Variants in MPP7 observed in about 807,000 individuals in gnomAD.
MPP7 encodes MAGUK p55 subfamily member 7.
MPP7 carries 60 observed loss-of-function variants against 76.5 expected under a neutral mutation model. That is an observed-to-expected ratio of 0.78 (90% CI 0.64 to 0.97). The LOEUF (loss-of-function observed/expected upper bound fraction) is 0.97, where lower values mean the gene tolerates loss of function less well. Among genes scored for constraint, MPP7 ranks in the 50% least tolerant of loss-of-function variants. MPP7 has a pLI of 0.00. For synonymous variants in MPP7, 237 were observed against 244.5 expected (o/e 0.97, Z 0.29); for missense variants, 641 against 694.0 (o/e 0.92, Z 0.86).
At chr10:28,302,434 T>C (rs1157141112) in intron 1 of MPP7, among the ~76,000 whole-genome samples, 1 of 152,252 alleles carries the variant, frequency 6.6e-6, no homozygotes, top group Admixed American at 6.5e-5. Context: ...AAGACGCCTT[T>C]CTGGCTTAGG....
chr10:28,187,666 A>C lies in MPP7; in HGVS notation c.156+14487T>G, dbSNP rs905072703. The stretch of plus-strand genomic sequence containing the variant: ...TTCTAAAAGGGCCTATTCCATGAGT[A>C]TCTTATAAAATATTAATAGTTCTTC... On this transcript the variant is annotated intron_variant, in intron 3 of 16. Coordinates refer to ENST00000683449, the MANE Select transcript of MPP7 (RefSeq NM_001318170.2). Among the ~76,000 whole-genome samples, 14 of 152,342 alleles carry C rather than the reference A, an allele frequency of 9.2e-5. 1 individual carries two copies. Among genetic ancestry groups the C allele is most frequent in the Middle Eastern group, 3.4e-3 (1 of 294 alleles).
chr10:28,225,322 A>C (rs916920359), intron 2 of MPP7, among the ~76,000 whole-genome samples: 1 of 152,192 alleles, frequency 6.6e-6, no homozygotes, highest in African/African-American at 2.4e-5. Context: ...AAATTGATAA[A>C]CTGAACATCA....
chr10:28,125,672 A>G (rs904473263), intron 6 of MPP7, among the ~76,000 whole-genome samples: 1 of 152,192 alleles, frequency 6.6e-6, no homozygotes, highest in Non-Finnish European at 1.5e-5. Context: ...AAACCCAGAA[A>G]TTAGTTATAT....
chr10:28,124,635 T>C (rs1034618315), intron 7 of MPP7, among the ~76,000 whole-genome samples: 3 of 143,072 alleles, frequency 2.1e-5, no homozygotes, highest in Non-Finnish European at 3.0e-5. Context: ...GCCACCACAC[T>C]TGACTAATTT....
In MPP7 at chr10:28,207,790, C is replaced by A. The variant is rs1240450860; in HGVS notation, c.38-5519G>T. On this transcript the variant is annotated intron_variant, in intron 2 of 16. Transcript: ENST00000683449. ...ATCTGAAAAAGGAAAACAGAACCTGCAAGGGTACATTCTAGGTTGGAGAAC... is the reference window on the plus strand; with the variant it reads ...ATCTGAAAAAGGAAAACAGAACCTGAAAGGGTACATTCTAGGTTGGAGAAC... 9.2e-5 allele frequency among the ~76,000 whole-genome samples: 14 copies of A among 152,170 alleles called. No individual in the cohort carries two copies. The East Asian group carries it at 2.5e-3, about 27-fold the overall frequency.
intron 8 of MPP7, 93 bp downstream of exon 8, chr10:28,123,938 A>T: frequency 1.2e-6 from 1 of 855,466 alleles, no homozygotes; most frequent in Non-Finnish European, 2.0e-6. Context: ...TGCTTAATAC[A>T]AATCCTGTCT....
At chr10:28,108,059 G>T (rs1834378653) in intron 11 of MPP7, among the ~76,000 whole-genome samples, 1 of 152,152 alleles carries the variant, frequency 6.6e-6, no homozygotes. Flanking sequence ...TTTGTAAAAT[G>T]AAAAATCAAA....
chr10:28,056,641 A>C lies in MPP7; in HGVS notation c.1408-18T>G. On this transcript the variant is annotated intron_variant, in intron 15 of 16. Coordinates refer to ENST00000683449, the MANE Select transcript of MPP7 (RefSeq NM_001318170.2). ...TTCACTGTCTACAAGGAAGAAAAGA[A>C]AGTTTTCTCACATTTCTCCATAGCA... The C allele has an allele frequency of 1.3e-6, 2 of 1,530,592 alleles. No homozygotes were observed. The highest frequency in any genetic ancestry group is 1.4e-5 in the African/African-American group (1 of 69,932). 94.8% of individuals were successfully genotyped at this position (1,530,592 alleles called of 1,614,324 possible).
At chr10:28,172,475 G>A (rs964293337) in intron 3 of MPP7, among the ~76,000 whole-genome samples, 3 of 152,148 alleles carry the variant, frequency 2.0e-5, no homozygotes, top group Admixed American at 6.5e-5. Context: ...TTCTACTCCC[G>A]AAGGCAGTTA....
intron 11 of MPP7, among the ~76,000 whole-genome samples, chr10:28,096,562 G>C (rs1853579542): frequency 2.0e-5 from 3 of 152,082 alleles, no homozygotes; most frequent in Admixed American, 2.0e-4. Flanking sequence ...TTGTTAAAAA[G>C]ATGTAAGGTT....
chr10:28,157,236 G>A (rs80100672), intron 3 of MPP7, among the ~76,000 whole-genome samples: 14,828 of 152,006 alleles, frequency 0.098, 1,212 homozygotes, highest in African/African-American at 0.22. Flanking sequence ...AAAAGGAAAA[G>A]GAAAAGAAAA....
chr10:28,257,329 G>C (rs1418646067), intron 1 of MPP7, among the ~76,000 whole-genome samples: 1 of 151,964 alleles, frequency 6.6e-6, no homozygotes, highest in Non-Finnish European at 1.5e-5. Context: ...TTATGATAAG[G>C]AAACTGAAAA....
rs757742594 is a variant in MPP7, at chr10:28,089,810, T to C, written c.984A>G (p.Arg328=). The part of the protein sequence containing the change: ...SGFRKSFRLS[R]KDKKTNKSMY... ...TGGATTTATTTGTTTTCTTATCTTT[T>C]CTACTAAGACGAAAACTTTTTCTAA... The change falls in exon 12 of 17, where the codon AGA becomes AGG. Residue 328 remains arginine (R), a synonymous_variant. Transcript: ENST00000683449. The C allele has an allele frequency of 4.4e-6, 7 of 1,582,050 alleles. No homozygotes were observed. The South Asian group carries it at 7.9e-5, about 18-fold the overall frequency.
rs536327425 is a variant in MPP7, at chr10:28,113,335, C to T, written c.952+6316G>A. On this transcript the variant is annotated intron_variant, in intron 11 of 16. Transcript: ENST00000683449. Reference sequence around the variant, plus strand: ...CCTGTTGGCCCTGCGAGGTATACTGCTCTCCTCTCTGGGATCTGTGAGTAA... The same window carrying T: ...CCTGTTGGCCCTGCGAGGTATACTGTTCTCCTCTCTGGGATCTGTGAGTAA... Among the ~76,000 whole-genome samples, 20 of 152,264 alleles carry T rather than the reference C, an allele frequency of 1.3e-4. No homozygotes were observed. The South Asian group carries it at 4.1e-3, about 32-fold the overall frequency.
intron 2 of MPP7, among the ~76,000 whole-genome samples, chr10:28,238,020 A>G (rs1169793546): frequency 6.6e-6 from 1 of 152,068 alleles, no homozygotes; most frequent in Non-Finnish European, 1.5e-5. Context: ...AGGTATCTCA[A>G]AGTCTTATAA....
At chr10:28,123,034 C>T (rs1834894101) in intron 8 of MPP7, among the ~76,000 whole-genome samples, 1 of 151,864 alleles carries the variant, frequency 6.6e-6, no homozygotes, top group Non-Finnish European at 1.5e-5. Flanking sequence ...AAGGATTGAC[C>T]TTATTTTTTC....
chr10:28,091,461 T>TAA (rs1255894340), intron 11 of MPP7, among the ~76,000 whole-genome samples: 1 of 152,094 alleles, frequency 6.6e-6, no homozygotes, highest in African/African-American at 2.4e-5. Context: ...CTAACTTTTG[T>TAA]ATTTTTAGTA....
At chr10:28,138,940 A>G (rs189017113) in intron 5 of MPP7, among the ~76,000 whole-genome samples, 64 of 152,356 alleles carry the variant, frequency 4.2e-4, no homozygotes, top group Admixed American at 6.5e-4. Context: ...AGAAACAAAG[A>G]TAAGAAGACC....
chr10:28,056,347 T>G, intron 16 of MPP7, 133 bp downstream of exon 16: 1 of 861,184 alleles, frequency 1.2e-6, no homozygotes, highest in South Asian at 1.6e-5. Context: ...TTTGTAGAGA[T>G]GGGGTTTCAC....
Sources: allele counts gnomAD v4.1 joint callset (sites outside exome capture counted in the v4.1 genomes callset), GRCh38; gene constraint gnomAD v4.1.1; transcripts MANE v1.5; gene names NCBI Gene and HGNC (gene_info 2026-07-23, HGNC 2026-07-21).